EPHA10: variants seen among roughly 807,000 people sequenced by gnomAD.
EPHA10 encodes EPH receptor A10.
EPHA10 carries 120 observed loss-of-function variants against 109.7 expected under a neutral mutation model. That is an observed-to-expected ratio of 1.09 (90% CI 0.94 to 1.27). The LOEUF (loss-of-function observed/expected upper bound fraction) is 1.27. EPHA10 is among the 50% of genes most tolerant of loss of function. EPHA10 has a pLI of 0.00. For synonymous variants in EPHA10, 640 were observed against 618.9 expected, an observed-to-expected ratio of 1.03 and a Z score of -0.51; for missense variants, 1,396 against 1,411.1, an observed-to-expected ratio of 0.99 and a Z score of 0.17.
rs1264012390 is a variant in EPHA10, at chr1:37,719,416, G to A, written c.2754C>T (p.Pro918=). 6.2e-7 allele frequency: 1 copy of A among 1,611,948 alleles called. No homozygotes were observed. Among genetic ancestry groups the A allele is most frequent in the South Asian group, 1.1e-5 (1 of 90,668 alleles). ...GGCTGTCCCATGTGGGAACGTACCT[G>A]GGACAGGTAGTCAGGGCACACTTGG... The part of the protein sequence containing the change: ...EPPKCALTTC[P]RPPTPLADRA... Residue 918 remains proline, a splice_region_variant and synonymous_variant, in exon 15 of 17, where the codon CCC becomes CCT. Coordinates refer to ENST00000373048, the MANE Select transcript of EPHA10 (RefSeq NM_001099439.2).
chr1:37,720,630 T>C (rs1313274941), intron 12 of EPHA10, 76 bp from the exon 13 acceptor site: 3 of 1,540,490 alleles, frequency 1.9e-6, no homozygotes, highest in Non-Finnish European at 2.6e-6. Flanking sequence ...GGCGGTCACC[T>C]AGCTCTCGCC....
chr1:37,729,062 G>A (rs1431674002), intron 7 of EPHA10, among the ~76,000 whole-genome samples: 1 of 152,178 alleles, frequency 6.6e-6, no homozygotes, highest in Non-Finnish European at 1.5e-5. Flanking sequence ...AATGGCTTCT[G>A]TCTTGGGTGC....
intron 1 of EPHA10, among the ~76,000 whole-genome samples, chr1:37,763,893 G>T (rs924306310): frequency 1.3e-5 from 2 of 152,166 alleles, no homozygotes; most frequent in East Asian, 3.8e-4. Flanking sequence ...TTTCCCAGGG[G>T]CTGTCACTTC....
intron 6 of EPHA10, among the ~76,000 whole-genome samples, chr1:37,733,822 C>T (rs1233518827): frequency 6.6e-6 from 1 of 152,222 alleles, no homozygotes; most frequent in Non-Finnish European, 1.5e-5. Flanking sequence ...CTCTCTTTCT[C>T]TCCCTTTCCA....
rs1378567936 is a variant in EPHA10, at chr1:37,761,452, C to T, written c.803G>A (p.Arg268His). The change falls in exon 3 of 17, where the codon CGC becomes CAC. Residue 268 changes from arginine (R) to histidine (H), a missense_variant. Physicochemically the swap from Arg to His is conservative, Grantham distance 29 (BLOSUM62 0). Transcript: ENST00000373048. ...ADGEWLVPVGRCSCSAGFQER... is the reference protein window; with the variant it reads ...ADGEWLVPVGHCSCSAGFQER... ...CTGGAATCCCGCGCTGCAGCTGCAG[C>T]GGCCCACAGGCACCAGCCACTCGCC... 2 of 1,599,754 alleles carry T rather than the reference C, an allele frequency of 1.3e-6. No homozygotes were observed. Among genetic ancestry groups the T allele is most frequent in the African/African-American group, 1.3e-5 (1 of 75,040 alleles).
intron 7 of EPHA10, among the ~76,000 whole-genome samples, chr1:37,730,088 C>T (rs900399668): frequency 4.6e-5 from 7 of 152,126 alleles, no homozygotes; most frequent in African/African-American, 1.7e-4. Flanking sequence ...CAAACCTGCC[C>T]GCCTTTGTTC....
Position 37,716,184 on chromosome 1 carries a change from A to G in EPHA10, c.*2188T>C, listed in dbSNP as rs1645688751. The G allele has an allele frequency of 2.4e-6, 1 of 411,774 alleles. No individual in the cohort carries two copies. 25.5% of individuals were successfully genotyped at this position (411,774 alleles called of 1,614,324 possible). A position where few individuals can be genotyped will look rare whatever the true frequency, so the allele number is the denominator to read the frequency against. ...CCAGAGAGCCATCGCCCCACATCAC[A>G]TCTGTGCAGGGCTGAGGCCTGGGAC... On this transcript the variant is annotated 3_prime_UTR_variant, in exon 17 of 17. Transcript: ENST00000373048.
chr1:37,757,600 G>A (rs1005570848), intron 3 of EPHA10, among the ~76,000 whole-genome samples: 1 of 152,204 alleles, frequency 6.6e-6, no homozygotes, highest in Non-Finnish European at 1.5e-5. Flanking sequence ...CCCCAAGGCA[G>A]AGCTGAGGCC....
chr1:37,744,764 TCTGA>T (rs34321559), intron 5 of EPHA10, among the ~76,000 whole-genome samples: 49,064 of 151,792 alleles, frequency 0.32, 8,037 homozygotes, highest in Middle Eastern at 0.46. Flanking sequence ...AAATCATGTA[TCTGA>T]CAAGGTTTGT....
At chr1:37,739,096 C>T (rs1646114410) in intron 5 of EPHA10, among the ~76,000 whole-genome samples, 1 of 151,798 alleles carries the variant, frequency 6.6e-6, no homozygotes, top group Non-Finnish European at 1.5e-5. Context: ...CACTTGTATA[C>T]CTATGTAACA....
In EPHA10 at chr1:37,764,271, C is replaced by A. The variant is rs1351448272; in HGVS notation, c.106+690G>T. 1.3e-5 allele frequency among the ~76,000 whole-genome samples: 2 copies of A among 152,186 alleles called. No homozygotes were observed. The highest frequency in any genetic ancestry group is 2.4e-5 in the African/African-American group (1 of 41,444). On this transcript the variant is annotated intron_variant, in intron 1 of 16. Coordinates refer to ENST00000373048, the MANE Select transcript of EPHA10 (RefSeq NM_001099439.2). This position sits in a 1 kb window ranked among gnomAD's most constrained non-coding sequence, Gnocchi z 5.8. ...AGGCATCAGCCATCCAGGGCCCAGA[C>A]CAACCCCGCGGTCAACGCCTCAGAT...
intron 3 of EPHA10, chr1:37,756,438 ATC>A (rs1285936166): frequency 1.3e-5 from 2 of 152,190 alleles, no homozygotes. Flanking sequence ...CCACAGTGGT[ATC>A]TCTGCTGTAA....
intron 8 of EPHA10, among the ~76,000 whole-genome samples, chr1:37,724,148 A>G (rs1645848731): frequency 6.6e-6 from 1 of 152,232 alleles, no homozygotes; most frequent in Non-Finnish European, 1.5e-5. Flanking sequence ...TATGGGGTCA[A>G]CATGGGCATG....
rs72917912 is a variant in EPHA10, at chr1:37,764,873, C to G, written c.106+88G>C. 28,371 of 1,212,596 alleles carry G rather than the reference C, an allele frequency of 0.023. 1,553 individuals carry two copies. Among genetic ancestry groups the G allele is most frequent in the East Asian group, 0.2 (7,691 of 39,182 alleles). The allele number at this position is 1,212,596 out of a possible 1,614,324, so 75.1% of individuals were successfully genotyped here. ...AGCCCCAATACAGACTCTAGTCTCT[C>G]CAATGACTCCTTCCCCCAGAACCCC... On this transcript the variant is annotated intron_variant, in intron 1 of 16. Coordinates refer to ENST00000373048, the MANE Select transcript of EPHA10 (RefSeq NM_001099439.2). The surrounding 1 kb of genome is among the most constrained non-coding windows in gnomAD (Gnocchi z 5.8).
intron 15 of EPHA10, 81 bp from the exon 16 acceptor site, chr1:37,718,897 G>A: frequency 6.7e-7 from 1 of 1,494,578 alleles, no homozygotes; most frequent in Non-Finnish European, 9.0e-7. Flanking sequence ...GAGGCCAGCT[G>A]AGGATGGACA....
chr1:37,746,562 T>C (rs889035515), intron 5 of EPHA10, among the ~76,000 whole-genome samples: 2 of 152,196 alleles, frequency 1.3e-5, no homozygotes, highest in Admixed American at 6.5e-5. Context: ...ATTCAGTCCA[T>C]AACCATATGA....
intron 5 of EPHA10, among the ~76,000 whole-genome samples, chr1:37,747,454 G>A (rs1646256830): frequency 6.6e-6 from 1 of 151,612 alleles, no homozygotes; most frequent in African/African-American, 2.4e-5. Context: ...GGGAGGCTGA[G>A]GCAGGAGAAT....
Position 37,716,050 on chromosome 1 carries a change from G to T in EPHA10, c.*2322C>A. 1.8e-6 allele frequency: 1 copy of T among 550,072 alleles called. No homozygotes were observed. Among genetic ancestry groups the T allele is most frequent in the South Asian group, 1.6e-5 (1 of 62,148 alleles). The allele number at this position is 550,072 out of a possible 1,614,324, so 34.1% of individuals were successfully genotyped here. ...AACATCTCCAGAAGGAACCCCCTCCGACTGGCCCCCTCCCTCCCAGGGTGA... is the reference window on the plus strand; with the variant it reads ...AACATCTCCAGAAGGAACCCCCTCCTACTGGCCCCCTCCCTCCCAGGGTGA... On this transcript the variant is annotated 3_prime_UTR_variant, in exon 17 of 17. Coordinates refer to ENST00000373048, the MANE Select transcript of EPHA10 (RefSeq NM_001099439.2).
At position 37,754,251 on chromosome 1, in the gene EPHA10, GC is replaced by G. The variant is rs1345540368; in HGVS notation, c.969del (p.Arg324AlafsTer25). 7.6e-7 allele frequency: 1 copy of G among 1,320,204 alleles called. No homozygotes were observed. Among genetic ancestry groups the G allele is most frequent in the Non-Finnish European group, 9.7e-7 (1 of 1,028,946 alleles). The allele number at this position is 1,320,204 out of a possible 1,614,324, so 81.8% of individuals were successfully genotyped here. Reference sequence around the variant, plus strand: ...GCCGAGGGCGGGTCGGTGGGTGAGCGCGCATAGCTGTCCTGGCACACGCAGA... The same window carrying G: ...GCCGAGGGCGGGTCGGTGGGTGAGCGGCATAGCTGTCCTGGCACACGCAGA... The part of the protein sequence containing the change: ...STFCVCQDSY[A>X]RSPTDPPSAS... On this transcript the variant is annotated frameshift_variant, in exon 4 of 17. Transcript: ENST00000373048. LOFTEE classifies it high-confidence loss of function. The surrounding 1 kb of genome is among the most constrained non-coding windows in gnomAD (Gnocchi z 4.5).
Sources: gnomAD v4.1 joint callset for allele counts (sites outside exome capture counted in the v4.1 genomes callset) on GRCh38, gnomAD v4.1.1 for gene constraint, Gnocchi (gnomAD v3.1) non-coding constraint, MANE v1.5 for transcripts, NCBI Gene and HGNC (gene_info 2026-07-23, HGNC 2026-07-21) for gene names.